The following PCBP3 variants were observed in gnomAD, a reference collection of about 807,000 sequenced individuals.
PCBP3 encodes the protein poly(rC)-binding protein 3.
In PCBP3, 25 loss-of-function variants were observed where a neutral mutation model predicts 52.7. The ratio of observed to expected loss-of-function variants is 0.47; its 90% CI spans 0.35 to 0.66. PCBP3 has a LOEUF of 0.66. PCBP3 is among the 30% of genes least tolerant of loss of function. The probability of loss-of-function intolerance (pLI) is 0.01; values close to 1 mark genes in which losing one functional copy is unlikely to be tolerated. For missense variants in PCBP3, 391 were observed against 490.3 expected (o/e 0.80, Z 1.91); for synonymous variants, 162 against 183.0 (o/e 0.89, Z 0.93).
chr21:45,926,485 C>G (rs1419647462), intron 13 of PCBP3, among the ~76,000 whole-genome samples: 2 of 152,218 alleles, frequency 1.3e-5, no homozygotes, highest in Non-Finnish European at 2.9e-5. Flanking sequence ...GCACTGTGAT[C>G]ATCGGAGATG....
chr21:45,898,878 G>A lies in PCBP3; in HGVS notation c.166-721G>A, dbSNP rs185000570. On this transcript the variant is annotated intron_variant, in intron 6 of 17. Transcript: ENST00000681687. ...CTCTCCACGGGCCCCTCTGCACGCCGTCCTCACAGCCTTCCTCTTTTTCCA... is the reference window on the plus strand; with the variant it reads ...CTCTCCACGGGCCCCTCTGCACGCCATCCTCACAGCCTTCCTCTTTTTCCA... Among the ~76,000 whole-genome samples the A allele has an allele frequency of 7.1e-4, 79 of 110,504 alleles. 1 individual carries two copies. In the East Asian group the frequency reaches 0.025, roughly 35 times the overall value. The allele number at this position is 110,504 out of a possible 152,430, so 72.5% of individuals were successfully genotyped here. A position where few individuals can be genotyped will look rare whatever the true frequency, so the allele number is the denominator to read the frequency against.
intron 16 of PCBP3, among the ~76,000 whole-genome samples, chr21:45,937,919 G>T (rs1476099707): frequency 2.0e-5 from 3 of 152,278 alleles, no homozygotes; most frequent in African/African-American, 7.2e-5. Flanking sequence ...GCTGCTCAAT[G>T]ATGTCCCATC....
Position 45,940,161 on chromosome 21 carries a change from G to C in PCBP3, c.1041G>C (p.Pro347=). 6.2e-7 allele frequency: 1 copy of C among 1,614,086 alleles called. No homozygotes were observed. The highest frequency in any genetic ancestry group is 8.5e-7 in the Non-Finnish European group (1 of 1,179,974). The change falls in exon 17 of 18, where the codon CCG becomes CCC. Residue 347 remains proline, a synonymous_variant. Transcript: ENST00000681687. The part of the protein sequence containing the change: ...SERQITITGT[P]ANISLAQYLI... The stretch of plus-strand genomic sequence containing the variant: ...GTCAGATCACCATCACGGGGACCCC[G>C]GCCAACATCAGCCTTGCCCAGTATC...
chr21:45,685,588 TGATAAA>T (rs1024933209), intron 2 of PCBP3, among the ~76,000 whole-genome samples: 1 of 152,192 alleles, frequency 6.6e-6, no homozygotes, highest in Non-Finnish European at 1.5e-5. Flanking sequence ...TGCACAAGAC[TGATAAA>T]GATAAACCCT....
chr21:45,910,795 T>G, intron 10 of PCBP3, 107 bp from the exon 11 acceptor site: 1 of 1,141,930 alleles, frequency 8.8e-7, no homozygotes, highest in South Asian at 1.5e-5. Context: ...GTATGCAGGT[T>G]TCCAAGGAAG....
At chr21:45,779,645 CAA>C (rs1290178029) in intron 4 of PCBP3, among the ~76,000 whole-genome samples, 2 of 152,140 alleles carry the variant, frequency 1.3e-5, no homozygotes, top group East Asian at 1.9e-4. Flanking sequence ...CTAAATTGGA[CAA>C]GAGATGTTCA....
chr21:45,828,858 C>G (rs2093373714), intron 4 of PCBP3: 1 of 152,376 alleles, frequency 6.6e-6, no homozygotes, highest in South Asian at 2.1e-4. Flanking sequence ...CTCTGAGTAC[C>G]CACGGTCATG....
intron 2 of PCBP3, among the ~76,000 whole-genome samples, chr21:45,684,055 C>CAAAAAAAAAAAAAAAAAAAAAAAAA (rs71334088): frequency 1.3e-5 from 1 of 78,476 alleles, no homozygotes; most frequent in Non-Finnish European, 2.6e-5. Context: ...CCCATCTCTA[C>CAAAAAAAAAAAAAAAAAAAAAAAAA]AAAAAAAAAA....
In PCBP3 at chr21:45,725,774, G is replaced by T. The variant is rs1179479216; in HGVS notation, c.-199-9618G>T. Among the ~76,000 whole-genome samples, 5 of 152,074 alleles carry T rather than the reference G, an allele frequency of 3.3e-5. No individual in the cohort carries two copies. In the East Asian group the frequency reaches 9.7e-4, roughly 29 times the overall value. ...GGAGGGTGGGCAAGGGAGGACTTTCGGAGGAGGAGGTGTTGGAACTGGGTG... is the reference window on the plus strand; with the variant it reads ...GGAGGGTGGGCAAGGGAGGACTTTCTGAGGAGGAGGTGTTGGAACTGGGTG... On this transcript the variant is annotated intron_variant, in intron 2 of 17. Coordinates refer to ENST00000681687, the MANE Select transcript of PCBP3 (RefSeq NM_001384156.1).
At chr21:45,767,844 C>CA (rs1238805790) in intron 4 of PCBP3, among the ~76,000 whole-genome samples, 4 of 152,238 alleles carry the variant, frequency 2.6e-5, no homozygotes, top group African/African-American at 9.6e-5. Context: ...GACAGGCTCT[C>CA]AGAGAGGAGG....
intron 2 of PCBP3, among the ~76,000 whole-genome samples, chr21:45,681,513 A>G (rs1004782673): frequency 2.6e-5 from 4 of 152,280 alleles, no homozygotes; most frequent in Admixed American, 2.0e-4. Context: ...GAAAAATGCA[A>G]CCTGGTCTTT....
chr21:45,846,596 G>C (rs752599862), intron 4 of PCBP3, among the ~76,000 whole-genome samples: 1 of 152,194 alleles, frequency 6.6e-6, no homozygotes, highest in Non-Finnish European at 1.5e-5. Flanking sequence ...TGACAGTCAT[G>C]TGTTAATGAT....
chr21:45,807,008 A>T (rs1603437599), intron 4 of PCBP3, among the ~76,000 whole-genome samples: 2 of 152,156 alleles, frequency 1.3e-5, no homozygotes, highest in African/African-American at 2.4e-5. Flanking sequence ...TGCATTGCCC[A>T]TTTTCCTTTC....
At chr21:45,749,750 C>T (rs1262023451) in intron 3 of PCBP3, 1 of 152,210 alleles carries the variant, frequency 6.6e-6, no homozygotes, top group African/African-American at 2.4e-5. Context: ...GTGCTGTTTC[C>T]TGGGAATGGG....
Position 45,904,785 on chromosome 21 carries a change from C to T in PCBP3, c.339+3672C>T, listed in dbSNP as rs111316100. ...GGTGCTCAGAGGGCCCTTGAGTCGT[C>T]GCTCTGGGGCCGTGTCTCACCCTCA... On this transcript the variant is annotated intron_variant, in intron 9 of 17. Transcript: ENST00000681687. The surrounding 1 kb of genome is among the most constrained non-coding windows in gnomAD (Gnocchi z 4.8). Among the ~76,000 whole-genome samples, 2,099 of 152,288 alleles carry T rather than the reference C, an allele frequency of 0.014. 20 individuals carry two copies. Among genetic ancestry groups the T allele is most frequent in the Non-Finnish European group, 0.018 (1,219 of 68,014 alleles).
At chr21:45,799,160 G>A (rs535901772) in intron 4 of PCBP3, among the ~76,000 whole-genome samples, 1 of 152,340 alleles carries the variant, frequency 6.6e-6, no homozygotes, top group East Asian at 1.9e-4. Flanking sequence ...GTGCATGGAC[G>A]AATTCATGAC....
At chr21:45,651,000 C>T (rs1225887418) in intron 1 of PCBP3, among the ~76,000 whole-genome samples, 1 of 152,134 alleles carries the variant, frequency 6.6e-6, no homozygotes, top group South Asian at 2.1e-4. Context: ...TGTCAATAAT[C>T]TTGAGTGAGC....
intron 4 of PCBP3, among the ~76,000 whole-genome samples, chr21:45,838,757 C>T (rs984523713): frequency 6.6e-6 from 1 of 151,980 alleles, no homozygotes; most frequent in African/African-American, 2.4e-5. Flanking sequence ...GCACTTTTTT[C>T]TGTCTGTATA....
intron 11 of PCBP3, among the ~76,000 whole-genome samples, chr21:45,912,860 C>A (rs973259412): frequency 1.3e-5 from 2 of 152,064 alleles, no homozygotes; most frequent in Admixed American, 1.3e-4. Context: ...CGCCCCACAT[C>A]CCCTTCCCCA....
Sources: gnomAD v4.1 joint callset for allele counts (sites outside exome capture counted in the v4.1 genomes callset) on GRCh38, gnomAD v4.1.1 for gene constraint, Gnocchi (gnomAD v3.1) non-coding constraint, MANE v1.5 for transcripts, NCBI Gene and HGNC (gene_info 2026-07-23, HGNC 2026-07-21) for gene names.